The following ARID5B variants were observed in gnomAD, a reference collection of about 807,000 sequenced individuals.
ARID5B encodes the protein AT-rich interaction domain 5B.
Under a neutral mutation model 97.2 loss-of-function variants are expected in ARID5B, and 13 were observed. The ratio of observed to expected loss-of-function variants is 0.13; its 90% CI spans 0.09 to 0.21. The LOEUF (loss-of-function observed/expected upper bound fraction) is 0.21, where lower values mean the gene tolerates loss of function less well. Among genes scored for constraint, ARID5B ranks in the 10% least tolerant of loss-of-function variants. The pLI is 1.00. For missense variants in ARID5B, 1,210 were observed against 1,465.3 expected (o/e 0.83, Z 2.84); for synonymous variants, 556 against 570.3 (o/e 0.97, Z 0.36).
chr10:61,968,703 T>C (rs760330747), intron 3 of ARID5B, among the ~76,000 whole-genome samples: 1 of 152,186 alleles, frequency 6.6e-6, no homozygotes, highest in Non-Finnish European at 1.5e-5. Context: ...TTTCAAAATA[T>C]GTGGATAGGT....
chr10:61,970,519 C>A (rs1838610765), intron 3 of ARID5B, among the ~76,000 whole-genome samples: 1 of 152,126 alleles, frequency 6.6e-6, no homozygotes, highest in Non-Finnish European at 1.5e-5. Flanking sequence ...TAATTTCATG[C>A]CTGAGAATTT....
chr10:62,020,753 G>C (rs574462442), intron 4 of ARID5B, among the ~76,000 whole-genome samples: 1 of 152,056 alleles, frequency 6.6e-6, no homozygotes, highest in East Asian at 1.9e-4. Flanking sequence ...CCAGAGAAGA[G>C]AATTAAGCAT....
chr10:61,901,783 AC>A, intron 1 of ARID5B, 53 bp downstream of exon 1: 2 of 1,306,176 alleles, frequency 1.5e-6, no homozygotes, highest in Non-Finnish European at 1.0e-6. Flanking sequence ...GCACCCCCCA[AC>A]CCCCCAGCTC....
At chr10:62,080,448 C>A (rs1440443487) in intron 8 of ARID5B, among the ~76,000 whole-genome samples, 5 of 152,176 alleles carry the variant, frequency 3.3e-5, no homozygotes, top group Admixed American at 1.3e-4. Context: ...CCCCCAAAAG[C>A]TCTTCTTCCA....
chr10:61,946,023 T>C (rs1440930824), intron 3 of ARID5B, among the ~76,000 whole-genome samples: 1 of 148,270 alleles, frequency 6.7e-6, no homozygotes, highest in African/African-American at 2.4e-5. Context: ...TTTCAAATAA[T>C]AAATGTATGT....
At chr10:62,042,297 C>A (rs1028881513) in intron 4 of ARID5B, among the ~76,000 whole-genome samples, 3 of 152,160 alleles carry the variant, frequency 2.0e-5, no homozygotes, top group African/African-American at 7.2e-5. Flanking sequence ...AGCTTCTGTG[C>A]ATGATCTCCA....
chr10:61,940,152 T>G lies in ARID5B; in HGVS notation c.277-31T>G, dbSNP rs1455530463. On this transcript the variant is annotated intron_variant, in intron 2 of 9. Transcript: ENST00000279873. ...ATTTCCCTCAAACCTATAAATAACGTTTTTTGTTCTTCCCCAACCACCTCT... is the reference window on the plus strand; with the variant it reads ...ATTTCCCTCAAACCTATAAATAACGGTTTTTGTTCTTCCCCAACCACCTCT... 3.1e-6 allele frequency: 5 copies of G among 1,606,516 alleles called. No homozygotes were observed. The African/African-American group carries it at 4.0e-5, about 13-fold the overall frequency.
chr10:61,918,148 G>A (rs986477210), intron 2 of ARID5B, among the ~76,000 whole-genome samples: 1 of 152,220 alleles, frequency 6.6e-6, no homozygotes, highest in Non-Finnish European at 1.5e-5. Context: ...AGCATGTCAT[G>A]TGGACTTGAA....
chr10:62,071,566 A>AG (rs1277134950), intron 8 of ARID5B, among the ~76,000 whole-genome samples: 40 of 9,010 alleles, frequency 4.4e-3, no homozygotes, highest in South Asian at 0.022. Context: ...AAAAAAAAAA[A>AG]AAGAGAGAAG....
chr10:62,069,858 G>C, intron 8 of ARID5B, 61 bp downstream of exon 8: 1 of 1,541,182 alleles, frequency 6.5e-7, no homozygotes, highest in Non-Finnish European at 8.9e-7. Context: ...GGAGCTTCTG[G>C]TCAAGGATAA....
rs577760296 is a variant in ARID5B at position 62,012,131 on chromosome 10, T to A, written c.733+11810T>A. Among the ~76,000 whole-genome samples the A allele has an allele frequency of 1.3e-4, 20 of 152,360 alleles. No individual in the cohort carries two copies. The South Asian group carries it at 4.1e-3, about 32-fold the overall frequency. ...AATAATTGCCACTCTTCTGTGAGCA[T>A]GTACCATATGTCAGGCCTTATGTTA... On this transcript the variant is annotated intron_variant, in intron 4 of 9. Transcript: ENST00000279873.
At position 61,985,056 on chromosome 10, in the gene ARID5B, A is replaced by G. The variant is rs374070948; in HGVS notation, c.503-15035A>G. On this transcript the variant is annotated intron_variant, in intron 3 of 9. Coordinates refer to ENST00000279873, the MANE Select transcript of ARID5B (RefSeq NM_032199.3). The stretch of plus-strand genomic sequence containing the variant: ...TGTTCATGACTGACAGGCTGGAAAG[A>G]TTAATGAGTCATGGTATTTTAATCT... 1.4e-4 allele frequency among the ~76,000 whole-genome samples: 22 copies of G among 152,092 alleles called. No homozygotes were observed. In the East Asian group the frequency reaches 2.5e-3, roughly 18 times the overall value.
At chr10:62,022,586 C>T (rs541698074) in intron 4 of ARID5B, among the ~76,000 whole-genome samples, 1 of 152,252 alleles carries the variant, frequency 6.6e-6, no homozygotes, top group African/African-American at 2.4e-5. Context: ...CAACAAATTC[C>T]ACTCACCCTT....
intron 3 of ARID5B, among the ~76,000 whole-genome samples, chr10:61,978,981 G>C (rs964645490): frequency 6.6e-6 from 1 of 152,218 alleles, no homozygotes; most frequent in Admixed American, 6.5e-5. Context: ...CGTTCAGTAT[G>C]ATATTGGCTG....
chr10:61,962,115 C>G lies in ARID5B; in HGVS notation c.502+21707C>G, dbSNP rs1207605416. On this transcript the variant is annotated intron_variant, in intron 3 of 9. Coordinates refer to ENST00000279873, the MANE Select transcript of ARID5B (RefSeq NM_032199.3). ...AAACGGTAATTGTTATTACTACCAA[C>G]TGGCCCCAAACAGTTATTGCATAAC... 2.0e-5 allele frequency among the ~76,000 whole-genome samples: 3 copies of G among 152,318 alleles called. No homozygotes were observed. The East Asian group carries it at 5.8e-4, about 29-fold the overall frequency.
At chr10:62,025,069 C>A (rs1300279255) in intron 4 of ARID5B, 1 of 163,536 alleles carries the variant, frequency 6.1e-6, no homozygotes, top group African/African-American at 2.4e-5. Flanking sequence ...ACCTGATAGC[C>A]AGCTTTTAAT....
chr10:61,954,753 G>A (rs1416525959), intron 3 of ARID5B, among the ~76,000 whole-genome samples: 1 of 152,132 alleles, frequency 6.6e-6, no homozygotes, highest in African/African-American at 2.4e-5. Flanking sequence ...ATGAGCAGTG[G>A]CCTGTAATCC....
chr10:61,919,436 G>A (rs1225732592), intron 2 of ARID5B, among the ~76,000 whole-genome samples: 1 of 152,090 alleles, frequency 6.6e-6, no homozygotes, highest in African/African-American at 2.4e-5. Context: ...GATGCAAAAA[G>A]CATCAGCCAG....
rs1255438374 is a variant in ARID5B, at chr10:62,092,332, G to T, written c.2869G>T (p.Val957Leu). 1.2e-6 allele frequency: 2 copies of T among 1,613,504 alleles called. No individual in the cohort carries two copies. Among genetic ancestry groups the T allele is most frequent in the South Asian group, 2.2e-5 (2 of 90,960 alleles). Reference sequence around the variant, plus strand: ...AGACTGTCACCCCAAAGCCTGTCGGGTATCACCCATGACCATGTCAGGCCC... The same window carrying T: ...AGACTGTCACCCCAAAGCCTGTCGGTTATCACCCATGACCATGTCAGGCCC... ...SRDCHPKACR[V>L]SPMTMSGPKK... is the part of the protein sequence containing the mutation. The change falls in exon 10 of 10, where the codon GTA becomes TTA. Residue 957 changes from valine to leucine, a missense_variant. Physicochemically the swap from Val to Leu is conservative, Grantham distance 32 (BLOSUM62 1). Transcript: ENST00000279873.
Sources: allele counts gnomAD v4.1 joint callset (sites outside exome capture counted in the v4.1 genomes callset), GRCh38; gene constraint gnomAD v4.1.1; transcripts MANE v1.5; gene names NCBI Gene and HGNC (gene_info 2026-07-23, HGNC 2026-07-21).